ZNF215: variants seen among roughly 807,000 people sequenced by gnomAD.
ZNF215 encodes the protein zinc finger protein 215.
A neutral mutation model predicts 27.2 loss-of-function variants in ZNF215; 24 were observed. The observed-to-expected ratio is 0.88, with a 90% CI of 0.64 to 1.24. ZNF215 has a LOEUF of 1.24. ZNF215 is among the 50% of genes most tolerant of loss of function. The pLI, the probability that ZNF215 is intolerant of heterozygous loss-of-function variation, is 0.00. For missense variants in ZNF215, 675 were observed against 605.7 expected, an observed-to-expected ratio of 1.11 and a Z score of -1.20; for synonymous variants, 210 against 204.0, an observed-to-expected ratio of 1.03 and a Z score of -0.25.
intron 3 of ZNF215, among the ~76,000 whole-genome samples, chr11:6,935,165 T>C (rs1484456457): frequency 6.6e-6 from 1 of 152,238 alleles, no homozygotes; most frequent in East Asian, 1.9e-4. Flanking sequence ...GAGAATGATA[T>C]GCTTTGAGGG....
At chr11:6,954,813 C>T (rs1850259295) in intron 6 of ZNF215, among the ~76,000 whole-genome samples, 1 of 152,204 alleles carries the variant, frequency 6.6e-6, no homozygotes, top group South Asian at 2.1e-4. Context: ...GCAGAAGTCA[C>T]CCGTCTTCTG....
intron 6 of ZNF215, among the ~76,000 whole-genome samples, chr11:6,954,820 T>A (rs1254006864): frequency 2.6e-5 from 4 of 152,208 alleles, no homozygotes; most frequent in Non-Finnish European, 5.9e-5. Context: ...TCACCCGTCT[T>A]CTGCGTCACT....
intron 5 of ZNF215, among the ~76,000 whole-genome samples, chr11:6,976,126 C>A (rs1361094210): frequency 6.6e-6 from 1 of 151,986 alleles, no homozygotes; most frequent in African/African-American, 2.4e-5. Flanking sequence ...TGCCTGTTTG[C>A]CATTTGTATG....
At chr11:6,989,488 C>T (rs760112275), downstream of ZNF215, among the ~76,000 whole-genome samples, 2 of 152,116 alleles carry the variant, frequency 1.3e-5, no homozygotes, top group African/African-American at 2.4e-5. Flanking sequence ...TAGCCACACC[C>T]ACCCATGAAC....
chr11:6,961,009 C>G (rs1850506218), downstream of ZNF215, among the ~76,000 whole-genome samples: 1 of 152,088 alleles, frequency 6.6e-6, no homozygotes. Flanking sequence ...ATAGGTTGCT[C>G]TTTCTGGTGT....
At chr11:6,990,312 A>G (rs1194658568), downstream of ZNF215, among the ~76,000 whole-genome samples, 2 of 152,170 alleles carry the variant, frequency 1.3e-5, no homozygotes, top group East Asian at 1.9e-4. Context: ...GTGAAGGGAA[A>G]TCTTTCCAGT....
downstream of ZNF215, among the ~76,000 whole-genome samples, chr11:6,987,561 G>T (rs148522117): frequency 6.6e-6 from 1 of 152,180 alleles, no homozygotes; most frequent in East Asian, 1.9e-4. Context: ...GAAAGAAAAA[G>T]AAATCCACAC....
chr11:6,988,853 G>A (rs1314612783), downstream of ZNF215: 1 of 152,126 alleles, frequency 6.6e-6, no homozygotes, highest in East Asian at 1.9e-4. Flanking sequence ...CCTGAGCTAT[G>A]TGATCCTATA....
rs566692927 is a variant in ZNF215, at chr11:6,982,546, T to A, written c.806-1583T>A. ...AGCAAATCTAAAAGATCAGAAATTA[T>A]AACAAACTGTCTCTCAGACCACAAT... On this transcript the variant is annotated intron_variant, in intron 5 of 5. Transcript: ENST00000529903. Among the ~76,000 whole-genome samples the A allele has an allele frequency of 2.0e-5, 3 of 152,248 alleles. No homozygotes were observed. The East Asian group carries it at 5.8e-4, about 29-fold the overall frequency.
intron 3 of ZNF215, 35 bp from the exon 4 acceptor site, chr11:6,941,536 C>G: frequency 6.3e-7 from 1 of 1,597,078 alleles, no homozygotes; most frequent in Non-Finnish European, 8.6e-7. Context: ...CAGGGCAAAA[C>G]TTGTCTCCCT....
At chr11:6,951,258 A>AG (rs1178384047) in intron 6 of ZNF215, among the ~76,000 whole-genome samples, 1 of 152,058 alleles carries the variant, frequency 6.6e-6, no homozygotes, top group Admixed American at 6.5e-5. Context: ...AAAATGAGTT[A>AG]GGGAGGATTC....
At chr11:6,930,885 T>C (rs1261207940) in intron 2 of ZNF215, among the ~76,000 whole-genome samples, 6 of 152,256 alleles carry the variant, frequency 3.9e-5, no homozygotes, top group Non-Finnish European at 8.8e-5. Context: ...CCAAAGTATG[T>C]AGTCTCATTT....
At chr11:6,978,536 C>T (rs549808984) in intron 5 of ZNF215, among the ~76,000 whole-genome samples, 1 of 152,136 alleles carries the variant, frequency 6.6e-6, no homozygotes, top group South Asian at 2.1e-4. Flanking sequence ...ATACTGATGT[C>T]TCTAGTTTCA....
intron 5 of ZNF215, among the ~76,000 whole-genome samples, chr11:6,980,265 TA>T (rs540269796): frequency 6.2e-4 from 95 of 152,138 alleles, no homozygotes; most frequent in African/African-American, 2.3e-3. Context: ...AAAAATTATA[TA>T]AAAATTAAAA....
Position 6,957,720 on chromosome 11 carries a change from G to A in ZNF215, c.*1189G>A. 1.0e-6 allele frequency: 1 copy of A among 983,520 alleles called. No individual in the cohort carries two copies. The highest frequency in any genetic ancestry group is 1.2e-6 in the Non-Finnish European group (1 of 828,244). 60.9% of individuals were successfully genotyped at this position (983,520 alleles called of 1,614,324 possible). Reference sequence around the variant, plus strand: ...AAGTTGCAGTTCCTAAGAACCTATTGATGATGTTCAGTGCAGACTTACTGT... The same window carrying A: ...AAGTTGCAGTTCCTAAGAACCTATTAATGATGTTCAGTGCAGACTTACTGT... On this transcript the variant is annotated 3_prime_UTR_variant, in exon 7 of 7. Coordinates refer to ENST00000278319, the MANE Select transcript of ZNF215 (RefSeq NM_013250.4).
At position 6,955,743 on chromosome 11, in the gene ZNF215, C is replaced by G; in HGVS notation, c.766C>G (p.Leu256Val). 6.2e-7 allele frequency: 1 copy of G among 1,603,794 alleles called. No homozygotes were observed. The highest frequency in any genetic ancestry group is 1.1e-5 in the South Asian group (1 of 88,290). ...ATCCCATGGAGTGATTATGACAAGG[C>G]TTACCGAAAGTGGACACCCTTCTTC... is the stretch of plus-strand genomic sequence containing the variant. Reference protein sequence around the residue: ...ESSHGVIMTRLTESGHPSSDA... With the variant: ...ESSHGVIMTRVTESGHPSSDA... The change falls in exon 7 of 7, where the codon CTT (leucine) becomes GTT (valine). Residue 256 changes from leucine (L) to valine (V), a missense_variant. Leu to Val is a conservative substitution (Grantham distance 32). Transcript: ENST00000278319.
In ZNF215 at chr11:6,956,613, T is replaced by C; in HGVS notation, c.*82T>C. 6.9e-7 allele frequency: 1 copy of C among 1,454,352 alleles called. No homozygotes were observed. 90.1% of individuals were successfully genotyped at this position (1,454,352 alleles called of 1,614,324 possible). The stretch of plus-strand genomic sequence containing the variant: ...TGAATTTATGCTGGATAAAATCTCA[T>C]GAATATAATGTAAGAAAACATTTGT... On this transcript the variant is annotated 3_prime_UTR_variant, in exon 7 of 7. Coordinates refer to ENST00000278319, the MANE Select transcript of ZNF215 (RefSeq NM_013250.4).
intron 5 of ZNF215, among the ~76,000 whole-genome samples, chr11:6,971,479 T>G (rs1216144316): frequency 6.6e-6 from 1 of 152,160 alleles, no homozygotes; most frequent in Admixed American, 6.6e-5. Context: ...TGTACTATTT[T>G]GTATCCCATC....
Position 6,955,879 on chromosome 11 carries a change from T to C in ZNF215, c.902T>C (p.Phe301Ser). 1 of 1,610,570 alleles carries C rather than the reference T, an allele frequency of 6.2e-7. No individual in the cohort carries two copies. Among genetic ancestry groups the C allele is most frequent in the East Asian group, 2.2e-5 (1 of 44,852 alleles). ...PETIYTEEED[F>S]ECSENKKSFD... ...ACAATTTACACTGAGGAGGAAGATT[T>C]TGAATGTAGTGAAAATAAGAAAAGC... The change falls in exon 7 of 7, where the codon TTT (phenylalanine) becomes TCT (serine). Residue 301 changes from phenylalanine to serine, a missense_variant. Phe to Ser is a radical substitution (Grantham distance 155, BLOSUM62 -2). Coordinates refer to ENST00000278319, the MANE Select transcript of ZNF215 (RefSeq NM_013250.4).
Sources: allele counts gnomAD v4.1 joint callset (sites outside exome capture counted in the v4.1 genomes callset), GRCh38; gene constraint gnomAD v4.1.1; transcripts MANE v1.5; gene names NCBI Gene and HGNC (gene_info 2026-07-23, HGNC 2026-07-21).